Variants in PIK3C2B observed in about 807,000 individuals in gnomAD.
The protein encoded by PIK3C2B is phosphatidylinositol-4-phosphate 3-kinase catalytic subunit type 2 beta.
PIK3C2B carries 83 observed loss-of-function variants against 184.3 expected under a neutral mutation model. The ratio of observed to expected loss-of-function variants is 0.45; its 90% CI spans 0.38 to 0.54. The LOEUF (loss-of-function observed/expected upper bound fraction) is 0.54, where lower values mean the gene tolerates loss of function less well. Ranked by LOEUF, PIK3C2B falls within the 20% of genes least tolerant of loss-of-function variation. The pLI is 0.00. For synonymous variants in PIK3C2B, 779 were observed against 837.6 expected, an observed-to-expected ratio of 0.93 and a Z score of 1.21; for missense variants, 1,736 against 2,113.5, an observed-to-expected ratio of 0.82 and a Z score of 3.50.
chr1:204,425,502 A>C (rs1674696178), intron 32 of PIK3C2B, 111 bp downstream of exon 32: 13 of 1,193,986 alleles, frequency 1.1e-5, no homozygotes, highest in Non-Finnish European at 1.5e-5. Flanking sequence ...ATCAGCAAGT[A>C]CAGCCATGTT....
Position 204,454,702 on chromosome 1 carries a change from T to A in PIK3C2B, c.2033A>T (p.Lys678Met). The part of the protein sequence containing the change: ...PLQTRRAHFS[K>M]YLFHLIVWDQ... The stretch of plus-strand genomic sequence containing the variant: ...CCAGACGATGAGGTGGAAGAGGTAC[T>A]TGGAGAAGTGAGCTCTTCGGGTCTG... The change falls in exon 12 of 33, where the codon AAG becomes ATG. Residue 678 changes from lysine to methionine, a missense_variant. Lys to Met is a moderately conservative substitution (Grantham distance 95). Transcript: ENST00000684373. 2 of 1,613,262 alleles carry A rather than the reference T, an allele frequency of 1.2e-6. No homozygotes were observed. The highest frequency in any genetic ancestry group is 1.7e-6 in the Non-Finnish European group (2 of 1,179,956).
chr1:204,477,349 G>A (rs1332737332), intron 1 of PIK3C2B, among the ~76,000 whole-genome samples: 3 of 152,126 alleles, frequency 2.0e-5, no homozygotes, highest in African/African-American at 7.2e-5. Flanking sequence ...AGAACTCTCA[G>A]GAAGACAAGA....
chr1:204,459,878 A>G lies in PIK3C2B; in HGVS notation c.1566T>C (p.Asp522=), dbSNP rs1655183150. 2 of 1,613,178 alleles carry G rather than the reference A, an allele frequency of 1.2e-6. No individual in the cohort carries two copies. The highest frequency in any genetic ancestry group is 1.3e-5 in the African/African-American group (1 of 74,888). Residue 522 remains aspartate, a splice_region_variant and synonymous_variant, in exon 8 of 33, where the codon GAT becomes GAC. Coordinates refer to ENST00000684373, the MANE Select transcript of PIK3C2B (RefSeq NM_001377334.1). ...HNEVDAFLLA[D]GDFPLKADRV... The stretch of plus-strand genomic sequence containing the variant: ...GGCCAGCCCCTGGATTCGTACTCAC[A>G]TCAGCCAGCAGGAAGGCATCCACCT...
Position 204,441,503 on chromosome 1 carries a change from G to A in PIK3C2B, c.3217C>T (p.Pro1073Ser), listed in dbSNP as rs202166952. The part of the protein sequence containing the change: ...PLKLSFQNVD[P>S]LGENIRVIFK... Reference sequence around the variant, plus strand: ...ATGACACGGATGTTCTCACCCAGGGGATCCACATTTTGGAAGGAGAGTTTG... The same window carrying A: ...ATGACACGGATGTTCTCACCCAGGGAATCCACATTTTGGAAGGAGAGTTTG... The change falls in exon 21 of 33, where the codon CCC (proline) becomes TCC (serine). Residue 1073 changes from proline (P) to serine (S), a missense_variant. Around this residue, in one of 8 missense-constraint regions of PIK3C2B, gnomAD observed 289 missense variants for 380.4 expected, o/e 0.76. Coordinates refer to ENST00000684373, the MANE Select transcript of PIK3C2B (RefSeq NM_001377334.1). The A allele has an allele frequency of 1.7e-5, 28 of 1,612,642 alleles. No homozygotes were observed. Among genetic ancestry groups the A allele is most frequent in the Non-Finnish European group, 2.3e-5 (27 of 1,178,652 alleles).
rs764965697 is a variant in PIK3C2B at position 204,433,358 on chromosome 1, C to T, written c.3911G>A (p.Arg1304Lys). The change falls in exon 26 of 33, where the codon AGG (arginine) becomes AAG (lysine). Residue 1304 changes from arginine (R) to lysine (K), a missense_variant. Physicochemically the swap from Arg to Lys is conservative, Grantham distance 26 (BLOSUM62 2). Around this residue, in one of 8 missense-constraint regions of PIK3C2B, gnomAD observed 119 missense variants for 179.3 expected, o/e 0.66. Coordinates refer to ENST00000684373, the MANE Select transcript of PIK3C2B (RefSeq NM_001377334.1). The surrounding 1 kb of genome is among the most constrained non-coding windows in gnomAD (Gnocchi z 5.0). ...EDLKYVYDAL[R>K]PQDTEANATT... ...GGCATTGGCCTCTGTATCCTGAGGC[C>T]TCAGGGCATCGTACACATACTTGAG... 3 of 1,612,324 alleles carry T rather than the reference C, an allele frequency of 1.9e-6. No homozygotes were observed. The highest frequency in any genetic ancestry group is 2.5e-6 in the Non-Finnish European group (3 of 1,178,322).
At chr1:204,451,968 A>G (rs1654397973) in intron 12 of PIK3C2B, among the ~76,000 whole-genome samples, 2 of 152,202 alleles carry the variant, frequency 1.3e-5, no homozygotes, top group African/African-American at 4.8e-5. Context: ...CCAGGCTGCA[A>G]CTACAGTAGG....
At chr1:204,434,383 A>G in intron 24 of PIK3C2B, 56 bp downstream of exon 24, 1 of 1,514,744 alleles carries the variant, frequency 6.6e-7, no homozygotes, top group Admixed American at 1.7e-5. Context: ...GCTCTGAACC[A>G]CTGTTGCTCA....
At chr1:204,456,082 C>CATGAG in intron 10 of PIK3C2B, 31 bp from the exon 11 acceptor site, 2 of 1,580,338 alleles carry the variant, frequency 1.3e-6, no homozygotes, top group South Asian at 2.3e-5. Flanking sequence ...AAGGGAAAGT[C>CATGAG]ATGAGGCCTC....
chr1:204,461,786 C>T (rs1209583303), intron 5 of PIK3C2B, among the ~76,000 whole-genome samples: 1 of 151,270 alleles, frequency 6.6e-6, no homozygotes, highest in Non-Finnish European at 1.5e-5. Flanking sequence ...TGTGGTGGGG[C>T]TGGGGGAGGT....
Position 204,465,220 on chromosome 1 carries a change from T to C in PIK3C2B, c.1033A>G (p.Ile345Val). 1.7e-6 allele frequency: 2 copies of C among 1,168,322 alleles called. No homozygotes were observed. The highest frequency in any genetic ancestry group is 2.4e-6 in the Non-Finnish European group (2 of 841,248). 72.4% of individuals were successfully genotyped at this position (1,168,322 alleles called of 1,614,324 possible). A position where few individuals can be genotyped will look rare whatever the true frequency, so the allele number is the denominator to read the frequency against. Residue 345 changes from isoleucine (I) to valine (V), a missense_variant and splice_region_variant, in exon 3 of 33, where the codon ATC becomes GTC. Around this residue, in one of 8 missense-constraint regions of PIK3C2B, gnomAD observed 609 missense variants for 699.2 expected, o/e 0.87. Coordinates refer to ENST00000684373, the MANE Select transcript of PIK3C2B (RefSeq NM_001377334.1). Reference sequence around the variant, plus strand: ...CCCACCCCATTCTTTAACTCTTACATATCCAGCATGTGGCAAAATGCAGCA... The same window carrying C: ...CCCACCCCATTCTTTAACTCTTACACATCCAGCATGTGGCAAAATGCAGCA... ...EVAAFCHMLD[I>V]LRSGSDIQDY...
At position 204,443,159 on chromosome 1, in the gene PIK3C2B, CAACTT is replaced by C. The variant is rs565086909; in HGVS notation, c.3048+253_3048+257del. ...TGGCTGAGTGCTCTTGTGCAATGAACAACTTACACAACTGTGCTTAGCCTTTAAAA... is the reference window on the plus strand; with the variant it reads ...TGGCTGAGTGCTCTTGTGCAATGAACACACAACTGTGCTTAGCCTTTAAAA... On this transcript the variant is annotated intron_variant, in intron 19 of 32. Transcript: ENST00000684373. Among the ~76,000 whole-genome samples, 196 of 152,344 alleles carry C rather than the reference CAACTT, an allele frequency of 1.3e-3. 1 individual carries two copies. Among genetic ancestry groups the C allele is most frequent in the African/African-American group, 4.3e-3 (179 of 41,576 alleles).
At chr1:204,472,641 G>C (rs909072022) in intron 1 of PIK3C2B, among the ~76,000 whole-genome samples, 2 of 152,152 alleles carry the variant, frequency 1.3e-5, no homozygotes, top group Non-Finnish European at 1.5e-5. Flanking sequence ...TTAGCCAGGC[G>C]TGGTGGCACA....
At position 204,431,658 on chromosome 1, in the gene PIK3C2B, G is replaced by A. The variant is rs757256351; in HGVS notation, c.4280+11C>T. On this transcript the variant is annotated intron_variant, in intron 28 of 32. Transcript: ENST00000684373. ...ACATCCCTCTGTGCAGATAGTAAAGGGGGCAGCTACCTGGGCAAGTGGGAA... is the reference window on the plus strand; with the variant it reads ...ACATCCCTCTGTGCAGATAGTAAAGAGGGCAGCTACCTGGGCAAGTGGGAA... 4 of 1,613,876 alleles carry A rather than the reference G, an allele frequency of 2.5e-6. No homozygotes were observed. In the South Asian group the frequency reaches 3.3e-5, roughly 13 times the overall value.
chr1:204,433,549 GA>G lies in PIK3C2B; in HGVS notation c.3844-125del. Reference sequence around the variant, plus strand: ...TAACCCTTCTAGAGGGTGGTAGACAGATGCTGTGGGCAGTGGCTGGAGGGCC... The same window carrying G: ...TAACCCTTCTAGAGGGTGGTAGACAGTGCTGTGGGCAGTGGCTGGAGGGCC... On this transcript the variant is annotated intron_variant, in intron 25 of 32. Transcript: ENST00000684373. This position sits in a 1 kb window ranked among gnomAD's most constrained non-coding sequence, Gnocchi z 5.0. 1.4e-6 allele frequency: 1 copy of G among 731,718 alleles called. No homozygotes were observed. Among genetic ancestry groups the G allele is most frequent in the Non-Finnish European group, 2.3e-6 (1 of 430,938 alleles). 45.3% of individuals were successfully genotyped at this position (731,718 alleles called of 1,614,324 possible).
intron 2 of PIK3C2B, among the ~76,000 whole-genome samples, chr1:204,466,154 G>A (rs368370748): frequency 6.6e-6 from 1 of 152,368 alleles, no homozygotes; most frequent in African/African-American, 2.4e-5. Context: ...AGAAGGAAGT[G>A]AGGGGGAGGG....
intron 23 of PIK3C2B, among the ~76,000 whole-genome samples, chr1:204,438,007 C>A (rs1675445720): frequency 6.6e-6 from 1 of 152,220 alleles, no homozygotes; most frequent in African/African-American, 2.4e-5. Flanking sequence ...GAGGGCCCAG[C>A]AGGCCAGGAA....
At chr1:204,475,479 T>G (rs1656640363) in intron 1 of PIK3C2B, among the ~76,000 whole-genome samples, 1 of 152,134 alleles carries the variant, frequency 6.6e-6, no homozygotes, top group South Asian at 2.1e-4. Context: ...GGCAGAACCT[T>G]CTGGGAGGTG....
intron 26 of PIK3C2B, among the ~76,000 whole-genome samples, chr1:204,432,986 A>C (rs1385665583): frequency 6.6e-6 from 1 of 152,240 alleles, no homozygotes; most frequent in Non-Finnish European, 1.5e-5. Context: ...CTGACCAAGA[A>C]AGTTAAAAGT....
chr1:204,487,028 G>A (rs904300832), intron 1 of PIK3C2B, among the ~76,000 whole-genome samples: 21 of 152,172 alleles, frequency 1.4e-4, no homozygotes, highest in African/African-American at 4.8e-4. Context: ...GGCTGGTCTT[G>A]AACTCCTGAC....
Sources: gnomAD v4.1 joint callset for allele counts (sites outside exome capture counted in the v4.1 genomes callset) on GRCh38, gnomAD v4.1.1 for gene constraint, gnomAD v4.1.1 regional missense constraint, Gnocchi (gnomAD v3.1) non-coding constraint, MANE v1.5 for transcripts, NCBI Gene and HGNC (gene_info 2026-07-23, HGNC 2026-07-21) for gene names.